Variants in SNTG1 observed in about 807,000 individuals in gnomAD.
The protein encoded by SNTG1 is syntrophin gamma 1.
Under a neutral mutation model 74.7 loss-of-function variants are expected in SNTG1, and 39 were observed. The ratio of observed to expected loss-of-function variants is 0.52; its 90% confidence interval spans 0.40 to 0.68. The LOEUF is 0.68. Among genes scored for constraint, SNTG1 ranks in the 30% least tolerant of loss-of-function variants. The probability of loss-of-function intolerance (pLI) is 0.00; values close to 1 mark genes in which losing one functional copy is unlikely to be tolerated. For missense variants in SNTG1, 685 were observed against 609.5 expected, an observed-to-expected ratio of 1.12 and a Z score of -1.30; for synonymous variants, 254 against 217.1, an observed-to-expected ratio of 1.17 and a Z score of -1.49.
intron 9 of SNTG1, among the ~76,000 whole-genome samples, chr8:50,527,464 C>T (rs78430010): frequency 0.037 from 5,695 of 151,934 alleles, 371 homozygotes; most frequent in African/African-American, 0.13. Context: ...TATAATACAT[C>T]TTATATTTTT....
chr8:50,060,220 A>G (rs1326107468), intron 1 of SNTG1, among the ~76,000 whole-genome samples: 1 of 152,090 alleles, frequency 6.6e-6, no homozygotes, highest in Non-Finnish European at 1.5e-5. Context: ...CTTATCACCA[A>G]GTAGTAATTA....
chr8:50,549,122 A>G (rs1170329947), intron 11 of SNTG1, among the ~76,000 whole-genome samples: 2 of 152,320 alleles, frequency 1.3e-5, no homozygotes, highest in African/African-American at 2.4e-5. Context: ...TCATGAAACA[A>G]CTGGTGAATT....
chr8:50,442,671 G>C (rs1477022996), intron 5 of SNTG1, among the ~76,000 whole-genome samples: 4 of 60,650 alleles, frequency 6.6e-5, no homozygotes, highest in Admixed American at 2.5e-4. Flanking sequence ...GTATTAATTT[G>C]TCTATCAGTA....
intron 4 of SNTG1, among the ~76,000 whole-genome samples, chr8:50,410,727 T>C (rs904387967): frequency 1.3e-5 from 2 of 152,018 alleles, no homozygotes; most frequent in Non-Finnish European, 2.9e-5. Context: ...TGGATTGGAC[T>C]TTTTTTTAGA....
intron 1 of SNTG1, among the ~76,000 whole-genome samples, chr8:50,114,618 G>T (rs1724114428): frequency 6.6e-6 from 1 of 152,120 alleles, no homozygotes; most frequent in South Asian, 2.1e-4. Context: ...TGTAATCCTA[G>T]CACTTTGGGA....
intron 17 of SNTG1, among the ~76,000 whole-genome samples, chr8:50,726,176 A>C (rs1405033792): frequency 6.6e-6 from 1 of 152,210 alleles, no homozygotes; most frequent in African/African-American, 2.4e-5. Context: ...ATTGCATTAA[A>C]ATAGTGCACT....
Position 49,997,777 on chromosome 8 carries a change from G to A in SNTG1, c.-103+85546G>A, listed in dbSNP as rs560594278. Among the ~76,000 whole-genome samples, 216 of 152,120 alleles carry A rather than the reference G, an allele frequency of 1.4e-3. 3 individuals are homozygous for A. Among genetic ancestry groups the A allele is most frequent in the African/African-American group, 5.0e-3 (208 of 41,504 alleles). ...TGTTTTTTTAGCATCTTGATCTTGA[G>A]ATCTTGTAGTGTCTCAGTCATTAGA... On this transcript the variant is annotated intron_variant, in intron 1 of 18. Coordinates refer to ENST00000642720, the MANE Select transcript of SNTG1 (RefSeq NM_018967.5).
At chr8:50,580,041 A>G (rs2094600163) in intron 12 of SNTG1, among the ~76,000 whole-genome samples, 1 of 152,230 alleles carries the variant, frequency 6.6e-6, no homozygotes, top group African/African-American at 2.4e-5. Context: ...GAGGGGAGCT[A>G]TACCCTGCAA....
chr8:50,240,619 G>A (rs953066256), intron 2 of SNTG1, among the ~76,000 whole-genome samples: 6 of 152,100 alleles, frequency 3.9e-5, no homozygotes, highest in African/African-American at 1.2e-4. Context: ...GGAAACAAGC[G>A]GCACAGAGGA....
chr8:50,220,222 G>C (rs1392434362), intron 2 of SNTG1, among the ~76,000 whole-genome samples: 1 of 152,118 alleles, frequency 6.6e-6, no homozygotes, highest in African/African-American at 2.4e-5. Flanking sequence ...CATCTTTGGG[G>C]TAATTTCAAT....
chr8:49,953,242 G>T (rs886736468), intron 1 of SNTG1, among the ~76,000 whole-genome samples: 1 of 152,184 alleles, frequency 6.6e-6, no homozygotes, highest in Non-Finnish European at 1.5e-5. Flanking sequence ...AGGAAACAAT[G>T]AAGTCAAAGC....
chr8:50,583,169 G>A (rs951188071), intron 12 of SNTG1, among the ~76,000 whole-genome samples: 4 of 152,008 alleles, frequency 2.6e-5, no homozygotes, highest in South Asian at 2.1e-4. Flanking sequence ...TTGGGAAGCC[G>A]AGGCGAGTGG....
At chr8:50,087,430 T>C (rs1822998170) in intron 1 of SNTG1, among the ~76,000 whole-genome samples, 1 of 152,152 alleles carries the variant, frequency 6.6e-6, no homozygotes, top group African/African-American at 2.4e-5. Context: ...TGTATAAATA[T>C]TTGTTTCAAT....
chr8:50,266,691 T>TAC (rs2087495985), intron 2 of SNTG1, among the ~76,000 whole-genome samples: 2 of 127,580 alleles, frequency 1.6e-5, no homozygotes, highest in South Asian at 5.8e-4. Context: ...TGTGTATATA[T>TAC]ATATATATGA....
At chr8:50,445,056 C>A (rs917538605) in intron 5 of SNTG1, among the ~76,000 whole-genome samples, 3 of 152,112 alleles carry the variant, frequency 2.0e-5, no homozygotes, top group Admixed American at 2.0e-4. Flanking sequence ...CCTTTTATCC[C>A]CTATCTCCCC....
chr8:50,609,368 C>A (rs533028240), intron 13 of SNTG1, among the ~76,000 whole-genome samples: 1 of 152,180 alleles, frequency 6.6e-6, no homozygotes, highest in Non-Finnish European at 1.5e-5. Flanking sequence ...AAATGTCACT[C>A]CAGTCTTCTG....
chr8:50,622,730 A>T (rs1227512139), intron 13 of SNTG1, among the ~76,000 whole-genome samples: 3 of 152,144 alleles, frequency 2.0e-5, no homozygotes, highest in African/African-American at 7.2e-5. Flanking sequence ...AGATGAGATT[A>T]TAATAAAAAA....
chr8:50,387,741 T>C (rs571717189), intron 2 of SNTG1, among the ~76,000 whole-genome samples: 3 of 152,306 alleles, frequency 2.0e-5, no homozygotes, highest in South Asian at 4.1e-4. Flanking sequence ...AACACACGTT[T>C]AATGGGTTAA....
chr8:49,979,069 G>A (rs1467505518), intron 1 of SNTG1, among the ~76,000 whole-genome samples: 2 of 152,170 alleles, frequency 1.3e-5, no homozygotes, highest in East Asian at 3.9e-4. Flanking sequence ...TTCTATTTCG[G>A]TACATTAAAA....
Sources: allele counts gnomAD v4.1 joint callset (sites outside exome capture counted in the v4.1 genomes callset), GRCh38; gene constraint gnomAD v4.1.1; transcripts MANE v1.5; gene names NCBI Gene and HGNC (gene_info 2026-07-23, HGNC 2026-07-21).